The following NAV1 variants were observed in gnomAD, a reference collection of about 807,000 sequenced individuals.
NAV1 encodes the protein pore membrane and/or filament interacting like protein 3.
In NAV1, 18 loss-of-function variants were observed where a neutral mutation model predicts 175.2. That is an observed-to-expected ratio of 0.10 (90% confidence interval 0.07 to 0.15). NAV1 has a LOEUF of 0.15. Among genes scored for constraint, NAV1 ranks in the 10% least tolerant of loss-of-function variants. The pLI is 1.00. For synonymous variants in NAV1, 897 were observed against 978.7 expected (o/e 0.92, Z 1.56); for missense variants, 1,731 against 2,436.6 (o/e 0.71, Z 6.10).
intron 3 of NAV1, among the ~76,000 whole-genome samples, chr1:201,734,499 G>GAGAAGGAGAAGAAGAAGA (rs1673018410): frequency 2.5e-5 from 3 of 121,060 alleles, no homozygotes; most frequent in African/African-American, 5.8e-5. Context: ...GAAGGAGAAG[G>GAGAAGGAGAAGAAGAAGA]AGAAGAAGAA....
At chr1:201,762,150 C>T (rs887670687) in intron 3 of NAV1, among the ~76,000 whole-genome samples, 4 of 152,120 alleles carry the variant, frequency 2.6e-5, no homozygotes, top group Non-Finnish European at 5.9e-5. Context: ...CAGAGTGAGA[C>T]CCTGTCTCAA....
In NAV1 at chr1:201,804,504, G is replaced by C. The variant is rs556787159; in HGVS notation, c.3648+7G>C. ...TTTTTTCCAGGTCTATGAGGTAAGA[G>C]ACCCAGTTCCTATCCCCTTATTTTC... On this transcript the variant is annotated splice_region_variant and intron_variant, in intron 17 of 29. Coordinates refer to ENST00000367296, the Ensembl canonical transcript of NAV1. The C allele has an allele frequency of 2.3e-5, 35 of 1,535,270 alleles. No homozygotes were observed. The Admixed American group carries it at 7.1e-4, about 31-fold the overall frequency.
intron 15 of NAV1, chr1:201,795,488 T>C (rs1275632298): frequency 2.0e-5 from 3 of 152,168 alleles, no homozygotes; most frequent in Non-Finnish European, 2.9e-5. Context: ...TCTCTTATGC[T>C]CTATTCATTC....
chr1:201,734,472 AGG>A lies in NAV1; in HGVS notation c.1226+15718_1226+15719del, dbSNP rs755339898. Among the ~76,000 whole-genome samples, 10 of 114,686 alleles carry A rather than the reference AGG, an allele frequency of 8.7e-5. 1 individual carries two copies. Among genetic ancestry groups the A allele is most frequent in the Admixed American group, 5.2e-4 (6 of 11,518 alleles). 75.2% of individuals were successfully genotyped at this position (114,686 alleles called of 152,430 possible). ...GAAGAGGAGGAGGAGGAGGAGGAAGAGGAGGAGGAGGAGGAAGAAGGAGAAGG... is the reference window on the plus strand; with the variant it reads ...GAAGAGGAGGAGGAGGAGGAGGAAGAAGGAGGAGGAGGAAGAAGGAGAAGG... On this transcript the variant is annotated intron_variant, in intron 3 of 29. Transcript: ENST00000367296.
At chr1:201,648,346 C>T (rs916531627) in exon 1 of NAV1, 11 of 1,188,100 alleles carry the variant, frequency 9.3e-6, no homozygotes, top group Non-Finnish European at 1.1e-5. Context: ...TCCATCCTTC[C>T]TTTGACTGAT....
rs561519314 is a variant in NAV1 at position 201,789,815 on chromosome 1, C to G, written c.3219+23C>G. On this transcript the variant is annotated intron_variant, in intron 11 of 29. Coordinates refer to ENST00000367296, the Ensembl canonical transcript of NAV1. The stretch of plus-strand genomic sequence containing the variant: ...TCAGTAAGAGCATTAACTTCTCTTC[C>G]CCTCTCATCCCCTCCCCTCTACCAT... 62 of 1,603,708 alleles carry G rather than the reference C, an allele frequency of 3.9e-5. 1 individual carries two copies. In the South Asian group the frequency reaches 6.6e-4, roughly 17 times the overall value.
intron 7 of NAV1, among the ~76,000 whole-genome samples, chr1:201,784,677 C>T (rs1298458878): frequency 6.6e-6 from 1 of 150,878 alleles, no homozygotes; most frequent in Non-Finnish European, 1.5e-5. Context: ...GCTGCAACTA[C>T]AGGCTCATGC....
intron 1 of NAV1, among the ~76,000 whole-genome samples, chr1:201,671,214 G>A (rs760085567): frequency 7.2e-5 from 11 of 152,162 alleles, no homozygotes; most frequent in African/African-American, 1.2e-4. Context: ...TGCCTTCCGC[G>A]AGGGTATTAT....
chr1:201,575,299 T>A (rs1158008738), intron 1 of NAV1, among the ~76,000 whole-genome samples: 1 of 152,174 alleles, frequency 6.6e-6, no homozygotes, highest in African/African-American at 2.4e-5. Flanking sequence ...CTTACTATCT[T>A]TCTACCCTTC....
intron 2 of NAV1, among the ~76,000 whole-genome samples, chr1:201,595,954 A>G (rs1311413628): frequency 6.6e-6 from 1 of 152,202 alleles, no homozygotes; most frequent in Admixed American, 6.5e-5. Flanking sequence ...TATGTGCATC[A>G]CTCATACCAG....
upstream of NAV1, among the ~76,000 whole-genome samples, chr1:201,647,584 A>C (rs1333251298): frequency 6.6e-5 from 10 of 152,036 alleles, no homozygotes; most frequent in African/African-American, 2.4e-4. Flanking sequence ...TCCCCTACAA[A>C]GCCCTCAGCC....
chr1:201,622,838 C>T, upstream of NAV1: 1 of 985,788 alleles, frequency 1.0e-6, no homozygotes, highest in Non-Finnish European at 1.2e-6. Flanking sequence ...CTTTTTTTGC[C>T]CTCTCTCCCT....
chr1:201,733,751 G>T (rs2102530143), intron 3 of NAV1, among the ~76,000 whole-genome samples: 1 of 152,266 alleles, frequency 6.6e-6, no homozygotes, highest in East Asian at 1.9e-4. Flanking sequence ...AGGCCCAGAG[G>T]CAGGAATCGG....
intron 28 of NAV1, among the ~76,000 whole-genome samples, chr1:201,815,242 A>AAGG (rs902404651): frequency 1.1e-4 from 16 of 152,138 alleles, no homozygotes; most frequent in African/African-American, 3.6e-4. Flanking sequence ...AGTTGTAAAA[A>AAGG]AGGAGGAAAT....
chr1:201,784,142 C>G (rs767876215), intron 7 of NAV1, among the ~76,000 whole-genome samples: 1 of 152,136 alleles, frequency 6.6e-6, no homozygotes, highest in Non-Finnish European at 1.5e-5. Context: ...GCTTTTGCTT[C>G]CTAGTCCAAA....
At chr1:201,648,251 C>A in exon 1 of NAV1, 1 of 1,029,306 alleles carries the variant, frequency 9.7e-7, no homozygotes, top group South Asian at 4.6e-5. Context: ...GCGGTGTCCA[C>A]GGGACTGACA....
chr1:201,605,066 C>A (rs970919695), intron 2 of NAV1, among the ~76,000 whole-genome samples: 1 of 151,626 alleles, frequency 6.6e-6, no homozygotes, highest in Non-Finnish European at 1.5e-5. Context: ...TTACTGAGGG[C>A]ACCCTAGCAC....
intron 1 of NAV1, among the ~76,000 whole-genome samples, chr1:201,567,670 C>A (rs1666395624): frequency 6.6e-6 from 1 of 152,110 alleles, no homozygotes; most frequent in Non-Finnish European, 1.5e-5. Context: ...CTGTTCCAAT[C>A]CAGTGTGGCC....
intron 1 of NAV1, among the ~76,000 whole-genome samples, chr1:201,577,803 A>G (rs746294776): frequency 5.3e-5 from 8 of 152,126 alleles, no homozygotes; most frequent in Non-Finnish European, 4.4e-5. Context: ...TTTTCCCCCC[A>G]GCACTTGAAA....
Sources: allele counts gnomAD v4.1 joint callset (sites outside exome capture counted in the v4.1 genomes callset), GRCh38; gene constraint gnomAD v4.1.1; transcripts MANE v1.5; gene names NCBI Gene and HGNC (gene_info 2026-07-23, HGNC 2026-07-21).